IL20RB: variants seen among roughly 807,000 people sequenced by gnomAD.
IL20RB encodes the protein interleukin 20 receptor subunit beta.
A neutral mutation model predicts 33.3 loss-of-function variants in IL20RB; 21 were observed. The observed-to-expected ratio is 0.63, with a 90% confidence interval of 0.45 to 0.91. The LOEUF (loss-of-function observed/expected upper bound fraction) is 0.91, where lower values mean the gene tolerates loss of function less well. Among genes scored for constraint, IL20RB ranks in the 40% least tolerant of loss-of-function variants. The pLI is 0.00. For synonymous variants in IL20RB, 147 were observed against 146.8 expected (o/e 1.00, Z -0.01); for missense variants, 345 against 384.8 (o/e 0.90, Z 0.86).
intron 3 of IL20RB, chr3:136,986,773 C>G (rs1388968777): frequency 2.2e-6 from 1 of 456,480 alleles, no homozygotes; most frequent in Non-Finnish European, 4.4e-6. Context: ...AATGAAGCCG[C>G]AGACCCTCGC....
intron 1 of IL20RB, 174 bp from the exon 2 acceptor site, chr3:136,980,292 T>G: frequency 4.7e-5 from 2 of 42,540 alleles, no homozygotes; most frequent in Non-Finnish European, 3.8e-5. Context: ...CATGTGAGGC[T>G]TTTTTTTTTT....
In IL20RB at chr3:136,979,684, C is replaced by G. The variant is rs570718376; in HGVS notation, c.89-782C>G. 1.8e-4 allele frequency among the ~76,000 whole-genome samples: 27 copies of G among 152,320 alleles called. No individual in the cohort carries two copies. In the South Asian group the frequency reaches 3.3e-3, roughly 19 times the overall value. On this transcript the variant is annotated intron_variant, in intron 1 of 6. Transcript: ENST00000329582. Reference sequence around the variant, plus strand: ...GTACACTCGGGGCATACTTGTGTCCCAGACTGGCTCAGGGGCCTGCAGTCT... The same window carrying G: ...GTACACTCGGGGCATACTTGTGTCCGAGACTGGCTCAGGGGCCTGCAGTCT...
intron 1 of IL20RB, among the ~76,000 whole-genome samples, chr3:136,972,183 G>GT (rs1189360964): frequency 2.0e-5 from 3 of 151,996 alleles, no homozygotes; most frequent in Non-Finnish European, 4.4e-5. Flanking sequence ...TTGGGGATTT[G>GT]TTTTTTAGTG....
rs1294487873 is a variant in IL20RB, at chr3:137,010,302, G to T, written c.*79G>T. The T allele has an allele frequency of 1.1e-5, 8 of 760,922 alleles. No homozygotes were observed. Among genetic ancestry groups the T allele is most frequent in the Non-Finnish European group, 1.9e-5 (8 of 416,386 alleles). The allele number at this position is 760,922 out of a possible 1,614,324, so 47.1% of individuals were successfully genotyped here. A position where few individuals can be genotyped will look rare whatever the true frequency, so the allele number is the denominator to read the frequency against. ...CCATGAGGGGACAAGTTGTGTTTCT[G>T]TTTTCCGCCACGGACAAGGGATGAG... is the stretch of plus-strand genomic sequence containing the variant. On this transcript the variant is annotated 3_prime_UTR_variant, in exon 7 of 7. Coordinates refer to ENST00000329582, the MANE Select transcript of IL20RB (RefSeq NM_144717.4).
intron 2 of IL20RB, among the ~76,000 whole-genome samples, chr3:136,981,039 G>A (rs1054162975): frequency 1.3e-5 from 2 of 152,140 alleles, no homozygotes; most frequent in African/African-American, 4.8e-5. Flanking sequence ...TCAGGTGCTT[G>A]CAGCTATTGA....
intron 6 of IL20RB, among the ~76,000 whole-genome samples, chr3:136,998,129 CTTTTT>C (rs35491086): frequency 5.9e-5 from 7 of 119,410 alleles, no homozygotes; most frequent in African/African-American, 9.6e-5. Context: ...ATTTTCTTTT[CTTTTT>C]TTTTTTTTTT....
At chr3:136,962,485 G>C (rs1941247890) in intron 1 of IL20RB, among the ~76,000 whole-genome samples, 1 of 152,210 alleles carries the variant, frequency 6.6e-6, no homozygotes, top group Non-Finnish European at 1.5e-5. Context: ...CAGGCGTGGT[G>C]GCTCATGCCT....
intron 3 of IL20RB, among the ~76,000 whole-genome samples, chr3:136,986,941 C>T (rs978739113): frequency 2.0e-5 from 3 of 151,588 alleles, no homozygotes; most frequent in African/African-American, 7.3e-5. Context: ...CTTAAGGCGG[C>T]GCGTCTGGAG....
intron 3 of IL20RB, among the ~76,000 whole-genome samples, chr3:136,985,499 G>A (rs1941878850): frequency 6.6e-6 from 1 of 152,010 alleles, no homozygotes; most frequent in Admixed American, 6.6e-5. Context: ...CACCATGCTT[G>A]GCTAATTTTG....
intron 3 of IL20RB, among the ~76,000 whole-genome samples, chr3:136,986,246 A>AATAAATAC (rs1355413429): frequency 2.5e-4 from 36 of 142,616 alleles, no homozygotes; most frequent in Non-Finnish European, 5.2e-4. Context: ...TAAATAAATA[A>AATAAATAC]ATAAATAAAT....
intron 3 of IL20RB, among the ~76,000 whole-genome samples, chr3:136,988,530 A>G (rs1941963366): frequency 6.6e-6 from 1 of 152,278 alleles, no homozygotes; most frequent in East Asian, 1.9e-4. Context: ...GCTTGAGTCT[A>G]GGAATTAGAG....
intron 2 of IL20RB, 68 bp from the exon 3 acceptor site, chr3:136,982,092 A>T: frequency 1.7e-6 from 2 of 1,202,506 alleles, no homozygotes; most frequent in Non-Finnish European, 2.3e-6. Flanking sequence ...GAAGTCAGTT[A>T]CTTGCAACCA....
chr3:136,978,735 T>G (rs958962883), intron 1 of IL20RB, among the ~76,000 whole-genome samples: 1 of 152,194 alleles, frequency 6.6e-6, no homozygotes, highest in Non-Finnish European at 1.5e-5. Context: ...ATGTAGTTTA[T>G]GTATATATTT....
At chr3:136,986,432 A>C (rs896846472) in intron 3 of IL20RB, among the ~76,000 whole-genome samples, 2 of 152,162 alleles carry the variant, frequency 1.3e-5, no homozygotes, top group African/African-American at 4.8e-5. Flanking sequence ...GATGGAGATC[A>C]GAAGACCCAA....
At chr3:136,970,273 T>G (rs1238961545) in intron 1 of IL20RB, among the ~76,000 whole-genome samples, 1 of 152,082 alleles carries the variant, frequency 6.6e-6, no homozygotes, top group Non-Finnish European at 1.5e-5. Context: ...TTTGTATTTT[T>G]TTATAGAGAT....
intron 3 of IL20RB, among the ~76,000 whole-genome samples, chr3:136,984,755 A>G (rs1941860169): frequency 6.6e-6 from 1 of 152,050 alleles, no homozygotes; most frequent in South Asian, 2.1e-4. Flanking sequence ...CCCAGGCACC[A>G]GGACTGGAAT....
chr3:136,958,255 A>G, intron 1 of IL20RB, 54 bp downstream of exon 1: 1 of 1,088,076 alleles, frequency 9.2e-7, no homozygotes, highest in Non-Finnish European at 1.4e-6. Flanking sequence ...ATAGGTTAAG[A>G]AGGCAAAAAA....
At chr3:136,962,580 C>T (rs570517714) in intron 1 of IL20RB, among the ~76,000 whole-genome samples, 252 of 152,070 alleles carry the variant, frequency 1.7e-3, no homozygotes, top group Non-Finnish European at 2.5e-3. Flanking sequence ...GGTGAAACCC[C>T]GTCTTTACTA....
At chr3:136,989,372 G>A (rs1941984657) in intron 3 of IL20RB, 69 bp from the exon 4 acceptor site, 3 of 1,585,968 alleles carry the variant, frequency 1.9e-6, no homozygotes, top group Admixed American at 3.4e-5. Flanking sequence ...ACATGACCCG[G>A]TCATTGTGTT....
Sources: allele counts gnomAD v4.1 joint callset (sites outside exome capture counted in the v4.1 genomes callset), GRCh38; gene constraint gnomAD v4.1.1; transcripts MANE v1.5; gene names NCBI Gene and HGNC (gene_info 2026-07-23, HGNC 2026-07-21).